IQGAP2: variants seen among roughly 807,000 people sequenced by gnomAD.
IQGAP2 encodes the protein ras GTPase-activating-like protein IQGAP2.
A neutral mutation model predicts 201.3 loss-of-function variants in IQGAP2; 173 were observed. That is an observed-to-expected ratio of 0.86 (90% confidence interval 0.76 to 0.98). The LOEUF (loss-of-function observed/expected upper bound fraction) is 0.98. Ranked by LOEUF, IQGAP2 falls within the 50% of genes least tolerant of loss-of-function variation. The pLI, the probability that IQGAP2 is intolerant of heterozygous loss-of-function variation, is 0.00. For synonymous variants in IQGAP2, 675 were observed against 673.9 expected (o/e 1.00, Z -0.03); for missense variants, 1,687 against 1,864.8 (o/e 0.90, Z 1.76).
chr5:76,652,860 G>A (rs2431362), intron 18 of IQGAP2, 27 bp downstream of exon 18: 738,946 of 1,414,654 alleles, frequency 0.52, 197,303 homozygotes, highest in Middle Eastern at 0.56. Context: ...ACCATACCAA[G>A]TGCTTGGCTT....
chr5:76,646,811 A>T (rs1223016027), intron 17 of IQGAP2, among the ~76,000 whole-genome samples: 1 of 152,130 alleles, frequency 6.6e-6, no homozygotes, highest in Non-Finnish European at 1.5e-5. Flanking sequence ...AAACTGTACC[A>T]TTATAATTTT....
Position 76,493,345 on chromosome 5 carries a change from C to T in IQGAP2, c.146+31676C>T, listed in dbSNP as rs370215958. ...CACTCTGAGCACACTGGCCTCCTTG[C>T]TGTTCCTCTCACCCCTATAAAGCTC... On this transcript the variant is annotated intron_variant, in intron 2 of 35. Coordinates refer to ENST00000274364, the MANE Select transcript of IQGAP2 (RefSeq NM_006633.5). Among the ~76,000 whole-genome samples, 223 of 151,832 alleles carry T rather than the reference C, an allele frequency of 1.5e-3. 2 individuals carry two copies. Among genetic ancestry groups the T allele is most frequent in the Middle Eastern group, 6.8e-3 (2 of 294 alleles).
intron 30 of IQGAP2, among the ~76,000 whole-genome samples, chr5:76,690,587 T>C (rs551989429): frequency 2.0e-5 from 3 of 152,346 alleles, no homozygotes; most frequent in East Asian, 3.9e-4. Context: ...GTGCCAATAT[T>C]GTACTCTCCA....
intron 15 of IQGAP2, among the ~76,000 whole-genome samples, chr5:76,634,938 A>G (rs565424350): frequency 1.3e-5 from 2 of 152,328 alleles, no homozygotes; most frequent in African/African-American, 4.8e-5. Context: ...TAGGAAAACT[A>G]TTTGGAGCCC....
At chr5:76,569,958 G>A (rs1745001349) in intron 3 of IQGAP2, among the ~76,000 whole-genome samples, 1 of 152,102 alleles carries the variant, frequency 6.6e-6, no homozygotes, top group Non-Finnish European at 1.5e-5. Flanking sequence ...TTTATTGTAG[G>A]GGTAGAAAAA....
Position 76,590,559 on chromosome 5 carries a change from G to GA in IQGAP2, c.798dup (p.Glu267ArgfsTer9). 1 of 1,607,028 alleles carries GA rather than the reference G, an allele frequency of 6.2e-7. No individual in the cohort carries two copies. ...AGAAAGAACTCTGGGATGCCAAAAA[G>GA]AAAAAAGAGGAAAATGCAAGACTGA... is the stretch of plus-strand genomic sequence containing the variant. On this transcript the variant is annotated frameshift_variant, in exon 8 of 36. Transcript: ENST00000274364. LOFTEE classifies it high-confidence loss of function.
chr5:76,586,669 A>G (rs1369881405), intron 5 of IQGAP2, among the ~76,000 whole-genome samples: 2 of 150,672 alleles, frequency 1.3e-5, no homozygotes, highest in African/African-American at 4.9e-5. Context: ...GGCCATGCCC[A>G]TCGGGGTTCT....
intron 1 of IQGAP2, among the ~76,000 whole-genome samples, chr5:76,442,665 A>T (rs751053066): frequency 3.3e-5 from 5 of 152,270 alleles, no homozygotes; most frequent in Middle Eastern, 3.4e-3. Flanking sequence ...CTGTAACCCC[A>T]GTTCTTTCTT....
intron 2 of IQGAP2, among the ~76,000 whole-genome samples, chr5:76,551,487 G>A (rs1475329969): frequency 6.6e-6 from 1 of 151,768 alleles, no homozygotes; most frequent in African/African-American, 2.4e-5. Flanking sequence ...TCGGCACTTT[G>A]GGAGGCCAAG....
intron 2 of IQGAP2, among the ~76,000 whole-genome samples, chr5:76,528,107 G>A (rs549032474): frequency 6.6e-6 from 1 of 152,164 alleles, no homozygotes; most frequent in East Asian, 1.9e-4. Flanking sequence ...CATGGATCTT[G>A]GGCGCCATTA....
chr5:76,502,368 C>A (rs1757328119), intron 2 of IQGAP2, among the ~76,000 whole-genome samples: 1 of 152,200 alleles, frequency 6.6e-6, no homozygotes, highest in Non-Finnish European at 1.5e-5. Context: ...ATAAGCATCA[C>A]CTTCAGCTTT....
chr5:76,474,938 C>T (rs1755325060), intron 2 of IQGAP2, among the ~76,000 whole-genome samples: 1 of 152,152 alleles, frequency 6.6e-6, no homozygotes, highest in Non-Finnish European at 1.5e-5. Flanking sequence ...TCTTGAACTC[C>T]CGACCTCATG....
At chr5:76,471,026 G>C (rs1755066145) in intron 2 of IQGAP2, among the ~76,000 whole-genome samples, 1 of 152,124 alleles carries the variant, frequency 6.6e-6, no homozygotes, top group African/African-American at 2.4e-5. Context: ...TTCAAATAAT[G>C]AAAATGAATC....
chr5:76,659,588 TA>T (rs1743075381), intron 21 of IQGAP2, among the ~76,000 whole-genome samples: 1 of 152,174 alleles, frequency 6.6e-6, no homozygotes, highest in Non-Finnish European at 1.5e-5. Flanking sequence ...TGCATCTACA[TA>T]AAACAATTAG....
At chr5:76,644,339 G>A (rs1450115544) in intron 17 of IQGAP2, among the ~76,000 whole-genome samples, 3 of 64,098 alleles carry the variant, frequency 4.7e-5, no homozygotes, top group East Asian at 3.2e-4. Flanking sequence ...TTGCTCTGTC[G>A]CCCAGGCTGG....
chr5:76,496,515 G>A (rs1352766014), intron 2 of IQGAP2, among the ~76,000 whole-genome samples: 2 of 152,162 alleles, frequency 1.3e-5, no homozygotes, highest in Non-Finnish European at 2.9e-5. Flanking sequence ...TGTCCCCCTT[G>A]CCATCTACTG....
chr5:76,417,031 C>T lies in IQGAP2; in HGVS notation c.46+13440C>T, dbSNP rs147509903. Among the ~76,000 whole-genome samples the T allele has an allele frequency of 3.5e-4, 54 of 152,150 alleles. 1 individual carries two copies. Among genetic ancestry groups the T allele is most frequent in the African/African-American group, 1.1e-3 (46 of 41,486 alleles). ...TTTTTTTTTGTAGAAACAGTCTTGC[C>T]ATGTTGCCCAGGCTGGTCTGAGCTT... On this transcript the variant is annotated intron_variant, in intron 1 of 35. Transcript: ENST00000274364.
At chr5:76,630,132 C>A (rs1750579261) in intron 14 of IQGAP2, among the ~76,000 whole-genome samples, 1 of 152,084 alleles carries the variant, frequency 6.6e-6, no homozygotes, top group Admixed American at 6.6e-5. Flanking sequence ...AGTCACAAGG[C>A]AGTAAAGTGC....
chr5:76,609,165 T>G (rs1418176307), intron 12 of IQGAP2: 1 of 1,535,828 alleles, frequency 6.5e-7, no homozygotes, highest in Non-Finnish European at 8.7e-7. Context: ...TCAGCTGAAA[T>G]GCACTCACTT....
Sources: allele counts gnomAD v4.1 joint callset (sites outside exome capture counted in the v4.1 genomes callset), GRCh38; gene constraint gnomAD v4.1.1; transcripts MANE v1.5; gene names NCBI Gene and HGNC (gene_info 2026-07-23, HGNC 2026-07-21).